Variants in CLEC9A observed in about 807,000 individuals in gnomAD.
CLEC9A encodes C-type lectin domain containing 9A, also known as C-type lectin domain family 9 member A.
Under a neutral mutation model 30.0 loss-of-function variants are expected in CLEC9A, and 24 were observed. That is an observed-to-expected ratio of 0.80 (90% CI 0.58 to 1.13). CLEC9A has a LOEUF of 1.13. Among genes scored for constraint, CLEC9A ranks in the 50% most tolerant of loss-of-function variants. The probability of loss-of-function intolerance (pLI) is 0.00; values close to 1 mark genes in which losing one functional copy is unlikely to be tolerated. For missense variants in CLEC9A, 251 were observed against 280.9 expected (o/e 0.89, Z 0.76); for synonymous variants, 111 against 96.8 (o/e 1.15, Z -0.86).
At chr12:10,032,550 C>T (rs1014031717) in intron 1 of CLEC9A, among the ~76,000 whole-genome samples, 3 of 152,082 alleles carry the variant, frequency 2.0e-5, no homozygotes, top group Non-Finnish European at 4.4e-5. Context: ...GCCACCAAGC[C>T]TGGCTAATTT....
intron 2 of CLEC9A, among the ~76,000 whole-genome samples, chr12:10,048,705 C>G (rs1463707282): frequency 1.3e-5 from 2 of 152,210 alleles, no homozygotes; most frequent in African/African-American, 2.4e-5. Context: ...GCCACATCTT[C>G]AGCCTCCACT....
chr12:10,062,952 T>C (rs1394016408), intron 6 of CLEC9A, 103 bp from the exon 7 acceptor site: 5 of 927,020 alleles, frequency 5.4e-6, no homozygotes. Flanking sequence ...CATTACGTTA[T>C]GAGATTCAGC....
chr12:10,054,647 G>A (rs1471278073), intron 5 of CLEC9A, among the ~76,000 whole-genome samples: 2 of 152,084 alleles, frequency 1.3e-5, no homozygotes, highest in Admixed American at 6.6e-5. Context: ...GCTAAAGCAT[G>A]CAATTTGAAA....
chr12:10,032,389 C>CTTTTTTTTTT (rs10647036), intron 1 of CLEC9A, among the ~76,000 whole-genome samples: 1 of 117,252 alleles, frequency 8.5e-6, no homozygotes. Flanking sequence ...TTAGGGATTT[C>CTTTTTTTTTT]TTTTTTTTTT....
intron 1 of CLEC9A, among the ~76,000 whole-genome samples, chr12:10,038,768 A>G (rs998399736): frequency 2.0e-5 from 3 of 152,258 alleles, no homozygotes; most frequent in African/African-American, 4.8e-5. Context: ...AGCTCATTTC[A>G]TAAAGTTAAA....
chr12:10,039,309 T>C (rs1322562845), intron 1 of CLEC9A, among the ~76,000 whole-genome samples: 2 of 152,206 alleles, frequency 1.3e-5, no homozygotes, highest in Non-Finnish European at 2.9e-5. Context: ...ATGGTCACTA[T>C]TTGTCTGTTT....
chr12:10,042,557 A>G (rs906766424), intron 2 of CLEC9A, among the ~76,000 whole-genome samples: 1 of 152,246 alleles, frequency 6.6e-6, no homozygotes, highest in South Asian at 2.1e-4. Flanking sequence ...TATGCAGTTA[A>G]TAAAACAGAA....
intron 1 of CLEC9A, among the ~76,000 whole-genome samples, chr12:10,037,240 C>A (rs1410068138): frequency 1.3e-5 from 2 of 152,162 alleles, no homozygotes; most frequent in Non-Finnish European, 2.9e-5. Context: ...GAAGCACCTT[C>A]TAAACCATGC....
intron 5 of CLEC9A, among the ~76,000 whole-genome samples, chr12:10,057,312 C>A (rs886928131): frequency 2.0e-5 from 3 of 151,720 alleles, no homozygotes; most frequent in Non-Finnish European, 4.4e-5. Context: ...CATTGCAAGA[C>A]AAATATGAAA....
intron 4 of CLEC9A, 29 bp from the exon 5 acceptor site, chr12:10,054,242 C>T (rs371954968): frequency 1.2e-5 from 19 of 1,557,638 alleles, no homozygotes; most frequent in East Asian, 4.5e-5. Context: ...TTCTCTAACT[C>T]GGTATCATTT....
intron 7 of CLEC9A, 81 bp from the exon 8 acceptor site, chr12:10,064,651 G>A (rs1866026671): frequency 7.0e-7 from 1 of 1,421,836 alleles, no homozygotes; most frequent in Non-Finnish European, 9.5e-7. Context: ...TTTCTAGCTA[G>A]GCAAAATGTC....
chr12:10,065,707 C>T lies in CLEC9A; in HGVS notation c.*75C>T, dbSNP rs538297375. ...ATTGGAAAACCCACCCCCACCCCCC[C>T]TCAAAAAAACAGAACAGTAAACCAA... On this transcript the variant is annotated 3_prime_UTR_variant, in exon 9 of 9. Coordinates refer to ENST00000355819, the MANE Select transcript of CLEC9A (RefSeq NM_207345.4). 9 of 1,545,230 alleles carry T rather than the reference C, an allele frequency of 5.8e-6. No individual in the cohort carries two copies. The African/African-American group carries it at 7.0e-5, about 12-fold the overall frequency.
Position 10,054,352 on chromosome 12 carries a change from G to A in CLEC9A, c.172+1G>A, listed in dbSNP as rs149328259. 2.1e-4 allele frequency: 336 copies of A among 1,593,820 alleles called. 1 individual carries two copies. In the African/African-American group the frequency reaches 4.1e-3, roughly 19 times the overall value. On this transcript the variant is annotated splice_donor_variant, in intron 5 of 8. Coordinates refer to ENST00000355819, the MANE Select transcript of CLEC9A (RefSeq NM_207345.4). LOFTEE classifies it high-confidence loss of function. Reference sequence around the variant, plus strand: ...GCATCCATTTTCTTGGGCGTCAAGTGTAAGTACTAAAAGATATTTTCAAAA... The same window carrying A: ...GCATCCATTTTCTTGGGCGTCAAGTATAAGTACTAAAAGATATTTTCAAAA...
intron 6 of CLEC9A, 58 bp from the exon 7 acceptor site, chr12:10,062,997 G>A: frequency 1.4e-6 from 2 of 1,478,364 alleles, no homozygotes; most frequent in Non-Finnish European, 1.8e-6. Context: ...TTTTTGGAGG[G>A]ATATATGTTG....
chr12:10,038,518 GA>G (rs1418158817), intron 1 of CLEC9A, among the ~76,000 whole-genome samples: 1 of 151,672 alleles, frequency 6.6e-6, no homozygotes, highest in African/African-American at 2.4e-5. Flanking sequence ...GCTAATTAGA[GA>G]AAAAAAAGAA....
chr12:10,045,553 C>T, intron 2 of CLEC9A: 1 of 280,752 alleles, frequency 3.6e-6, no homozygotes, highest in Non-Finnish European at 7.9e-6. Flanking sequence ...AAAAGGCACT[C>T]TACCTTCTGT....
chr12:10,052,950 TAA>T (rs1290212044), intron 4 of CLEC9A, 172 bp downstream of exon 4: 1 of 678,916 alleles, frequency 1.5e-6, no homozygotes. Context: ...CGGTGAAAAA[TAA>T]AGAGAGCAAT....
rs1865761826 is a variant in CLEC9A at position 10,038,442 on chromosome 12, T to C, written c.-317-3024T>C. 2.6e-5 allele frequency among the ~76,000 whole-genome samples: 4 copies of C among 152,234 alleles called. No homozygotes were observed. In the South Asian group the frequency reaches 8.3e-4, roughly 31 times the overall value. On this transcript the variant is annotated intron_variant, in intron 1 of 8. Transcript: ENST00000355819. ...TATGTACAAGCTATGCCAAAAGGCGTGTTAGTAAACAAAATATCTGCCACT... is the reference window on the plus strand; with the variant it reads ...TATGTACAAGCTATGCCAAAAGGCGCGTTAGTAAACAAAATATCTGCCACT...
At position 10,036,627 on chromosome 12, in the gene CLEC9A, G is replaced by A. The variant is rs142835196; in HGVS notation, c.-317-4839G>A. Among the ~76,000 whole-genome samples the A allele has an allele frequency of 5.3e-5, 8 of 152,236 alleles. No homozygotes were observed. The East Asian group carries it at 1.5e-3, about 29-fold the overall frequency. On this transcript the variant is annotated intron_variant, in intron 1 of 8. Transcript: ENST00000355819. ...TATATTAATCAGTCTTATCTACAAT[G>A]TTATACATTCCACTAATTTCAATTC...
Sources: allele counts gnomAD v4.1 joint callset (sites outside exome capture counted in the v4.1 genomes callset), GRCh38; gene constraint gnomAD v4.1.1; transcripts MANE v1.5; gene names NCBI Gene and HGNC (gene_info 2026-07-23, HGNC 2026-07-21).